TYMS: variants seen among roughly 807,000 people sequenced by gnomAD.
The protein encoded by TYMS is thymidylate synthase.
TYMS carries 21 observed loss-of-function variants against 39.3 expected under a neutral mutation model. That is an observed-to-expected ratio of 0.54 (90% CI 0.38 to 0.77). The LOEUF (loss-of-function observed/expected upper bound fraction) is 0.77, where lower values mean the gene tolerates loss of function less well. Ranked by LOEUF, TYMS falls within the 30% of genes least tolerant of loss-of-function variation. The probability of loss-of-function intolerance (pLI) is 0.00; values close to 1 mark genes in which losing one functional copy is unlikely to be tolerated. For missense variants in TYMS, 273 were observed against 406.7 expected (o/e 0.67, Z 2.83); for synonymous variants, 171 against 162.2 (o/e 1.05, Z -0.41).
At chr18:668,651 ACTCT>A (rs754573274) in intron 3 of TYMS, among the ~76,000 whole-genome samples, 2 of 152,150 alleles carry the variant, frequency 1.3e-5, no homozygotes, top group South Asian at 4.1e-4. Flanking sequence ...AAGATACAAC[ACTCT>A]CTGTGAGACA....
intron 3 of TYMS, among the ~76,000 whole-genome samples, chr18:666,939 A>T (rs62090122): frequency 0.43 from 11,488 of 26,978 alleles, 1,858 homozygotes; most frequent in Non-Finnish European, 0.44. Flanking sequence ...ATGGTGATGG[A>T]GATGGTGATG....
At position 666,897 on chromosome 18, in the gene TYMS, T is replaced by C. The variant is rs752471287; in HGVS notation, c.455-2175T>C. On this transcript the variant is annotated intron_variant, in intron 3 of 6. Coordinates refer to ENST00000323274, the MANE Select transcript of TYMS (RefSeq NM_001071.4). The stretch of plus-strand genomic sequence containing the variant: ...GATGACGAAAAAGTTCGGGAGATGG[T>C]GATGGAGATGGTGATGGTGATGGAG... Among the ~76,000 whole-genome samples, 6 of 48,208 alleles carry C rather than the reference T, an allele frequency of 1.2e-4. 1 individual carries two copies. Among genetic ancestry groups the C allele is most frequent in the African/African-American group, 3.9e-4 (4 of 10,182 alleles). The allele number at this position is 48,208 out of a possible 152,430, so 31.6% of individuals were successfully genotyped here.
intron 2 of TYMS, among the ~76,000 whole-genome samples, chr18:661,648 T>C (rs1383750024): frequency 6.6e-6 from 1 of 152,210 alleles, no homozygotes; most frequent in African/African-American, 2.4e-5. Flanking sequence ...GATCAGACTG[T>C]CCTAAAGCCC....
At chr18:664,368 A>G (rs184086822) in intron 3 of TYMS, among the ~76,000 whole-genome samples, 76,152 of 142,100 alleles carry the variant, frequency 0.54, 22,075 homozygotes, top group African/African-American at 0.77. Context: ...GATTGATTTT[A>G]TATCCTGAGA....
Position 671,363 on chromosome 18 carries a change from C to T in TYMS, c.733-17C>T, listed in dbSNP as rs770525244. ...TGAAACTAACATACTGTTCTGCTTT[C>T]TCCCCCGGGTTTATAGCCAGGTGAC... On this transcript the variant is annotated splice_polypyrimidine_tract_variant and intron_variant, in intron 5 of 6. Transcript: ENST00000323274. 3 of 1,562,984 alleles carry T rather than the reference C, an allele frequency of 1.9e-6. No homozygotes were observed. Among genetic ancestry groups the T allele is most frequent in the East Asian group, 2.2e-5 (1 of 44,648 alleles).
intron 3 of TYMS, among the ~76,000 whole-genome samples, chr18:662,847 T>G (rs972323264): frequency 6.7e-6 from 1 of 149,748 alleles, no homozygotes; most frequent in Admixed American, 6.6e-5. Context: ...CATGAACTCA[T>G]CATTTTTTAT....
chr18:662,504 C>CTTTT (rs11411741), intron 3 of TYMS, among the ~76,000 whole-genome samples, 184 bp downstream of exon 3: 11 of 134,674 alleles, frequency 8.2e-5, no homozygotes, highest in African/African-American at 2.8e-4. Context: ...GTTTCACACT[C>CTTTT]TTTTTTTTTT....
chr18:662,111 C>T lies in TYMS; in HGVS notation c.280-35C>T, dbSNP rs368046316. ...TCAACTGAGATGGCTTAGGATTTAC[C>T]TGGATGCCTGCTCTGCTCTCCCCAT... On this transcript the variant is annotated intron_variant, in intron 2 of 6. Transcript: ENST00000323274. 3.2e-6 allele frequency: 5 copies of T among 1,567,456 alleles called. No individual in the cohort carries two copies. The African/African-American group carries it at 5.5e-5, about 17-fold the overall frequency.
intron 2 of TYMS, among the ~76,000 whole-genome samples, chr18:659,999 C>T (rs999356790): frequency 2.6e-5 from 4 of 152,112 alleles, no homozygotes; most frequent in East Asian, 1.9e-4. Context: ...GCTCACGAGG[C>T]GGAGGTTGTA....
chr18:658,079 T>G lies in TYMS; in HGVS notation c.205+132T>G. 2 of 1,576,076 alleles carry G rather than the reference T, an allele frequency of 1.3e-6. No individual in the cohort carries two copies. The highest frequency in any genetic ancestry group is 4.7e-5 in the East Asian group (2 of 42,654). ...TCAATCCTGCGAGGGAGGGGACGCA[T>G]CGTCCTCCTCGCCTTACAGACGCCG... On this transcript the variant is annotated intron_variant, in intron 1 of 6. Transcript: ENST00000323274. The surrounding 1 kb of genome is among the most constrained non-coding windows in gnomAD (Gnocchi z 4.5).
rs1180889056 is a variant in TYMS at position 663,508 on chromosome 18, C to T, written c.454+1188C>T. On this transcript the variant is annotated intron_variant, in intron 3 of 6. Coordinates refer to ENST00000323274, the MANE Select transcript of TYMS (RefSeq NM_001071.4). ...GGTAGTTTCTTTTGCTGTGCAGAAG[C>T]TCTTTAGTTTAATTAGATCCCATTT... 5.3e-5 allele frequency among the ~76,000 whole-genome samples: 5 copies of T among 94,214 alleles called. 1 individual carries two copies. Among genetic ancestry groups the T allele is most frequent in the Non-Finnish European group, 9.8e-5 (5 of 51,146 alleles). 61.8% of individuals were successfully genotyped at this position (94,214 alleles called of 152,430 possible). A position where few individuals can be genotyped will look rare whatever the true frequency, so the allele number is the denominator to read the frequency against.
chr18:657,899 A>G lies in TYMS; in HGVS notation c.157A>G (p.Thr53Ala), dbSNP rs1373657786. The G allele has an allele frequency of 9.3e-6, 14 of 1,513,426 alleles. No individual in the cohort carries two copies. Among genetic ancestry groups the G allele is most frequent in the Non-Finnish European group, 1.2e-5 (14 of 1,136,690 alleles). The allele number at this position is 1,513,426 out of a possible 1,614,324, so 93.7% of individuals were successfully genotyped here. The part of the protein sequence containing the change: ...CGVRKDDRTG[T>A]GTLSVFGMQA... ...CGTCAGGAAGGACGACCGCACGGGC[A>G]CCGGCACCCTGTCGGTATTCGGCAT... Residue 53 changes from threonine to alanine, a missense_variant, in exon 1 of 7, where the codon ACC (threonine) becomes GCC (alanine). Coordinates refer to ENST00000323274, the MANE Select transcript of TYMS (RefSeq NM_001071.4).
chr18:662,741 A>C, intron 3 of TYMS, among the ~76,000 whole-genome samples: 1 of 147,938 alleles, frequency 6.8e-6, no homozygotes, highest in African/African-American at 2.5e-5. Flanking sequence ...TTCAATTCCC[A>C]CCTATGAGTG....
rs778130604 is a variant in TYMS at position 658,119 on chromosome 18, A to G, written c.205+172A>G. 2.5e-6 allele frequency: 4 copies of G among 1,587,420 alleles called. No individual in the cohort carries two copies. Among genetic ancestry groups the G allele is most frequent in the Non-Finnish European group, 2.6e-6 (3 of 1,170,434 alleles). ...TACAGACGCCGAAACGGAGGGTCCCATTAGGGACGTGACTGGCGCGGGCAA... is the reference window on the plus strand; with the variant it reads ...TACAGACGCCGAAACGGAGGGTCCCGTTAGGGACGTGACTGGCGCGGGCAA... On this transcript the variant is annotated intron_variant, in intron 1 of 6. Coordinates refer to ENST00000323274, the MANE Select transcript of TYMS (RefSeq NM_001071.4). This position sits in a 1 kb window ranked among gnomAD's most constrained non-coding sequence, Gnocchi z 4.5.
chr18:669,366 A>AC, intron 4 of TYMS, 193 bp downstream of exon 4: 1 of 190,608 alleles, frequency 5.2e-6, no homozygotes, highest in Non-Finnish European at 9.7e-6. Context: ...GGCCCAGAGG[A>AC]TTTTTTTTTT....
intron 4 of TYMS, among the ~76,000 whole-genome samples, chr18:670,171 G>A (rs2144350183): frequency 6.6e-6 from 1 of 151,650 alleles, no homozygotes; most frequent in Middle Eastern, 3.4e-3. Context: ...CAGCCCCAGA[G>A]CTGGGACCAC....
In TYMS at chr18:662,221, G is replaced by C; in HGVS notation, c.355G>C (p.Asp119His). 6.2e-7 allele frequency: 1 copy of C among 1,614,026 alleles called. No individual in the cohort carries two copies. The highest frequency in any genetic ancestry group is 8.5e-7 in the Non-Finnish European group (1 of 1,179,986). Reference sequence around the variant, plus strand: ...TGCCAATGGATCCCGAGACTTTTTGGACAGCCTGGGATTCTCCACCAGAGA... The same window carrying C: ...TGCCAATGGATCCCGAGACTTTTTGCACAGCCTGGGATTCTCCACCAGAGA... ...WDANGSRDFL[D>H]SLGFSTREEG... Residue 119 changes from aspartate to histidine, a missense_variant, in exon 3 of 7, where the codon GAC (aspartate) becomes CAC (histidine). Around this residue, in one of 3 missense-constraint regions of TYMS, gnomAD observed 228 missense variants for 326.1 expected, o/e 0.70. Transcript: ENST00000323274.
rs1445044244 is a variant in TYMS, at chr18:660,328, C to G, written c.279+614C>G. ...CTCTACTCCACTCGGGCAAGCCTTC[C>G]TAGACCTCCTGATTTAAAACTGTGA... On this transcript the variant is annotated intron_variant, in intron 2 of 6. Transcript: ENST00000323274. The surrounding 1 kb of genome is among the most constrained non-coding windows in gnomAD (Gnocchi z 4.6). Among the ~76,000 whole-genome samples, 3 of 152,162 alleles carry G rather than the reference C, an allele frequency of 2.0e-5. No individual in the cohort carries two copies. The highest frequency in any genetic ancestry group is 7.2e-5 in the African/African-American group (3 of 41,432).
At chr18:661,997 G>C (rs2074760830) in intron 2 of TYMS, 149 bp from the exon 3 acceptor site, 1 of 766,638 alleles carries the variant, frequency 1.3e-6, no homozygotes, top group Non-Finnish European at 2.0e-6. Context: ...ACAAAAAAAA[G>C]GATGGGTTCC....
Sources: allele counts gnomAD v4.1 joint callset (sites outside exome capture counted in the v4.1 genomes callset), GRCh38; gene constraint gnomAD v4.1.1; regional missense constraint gnomAD v4.1.1; non-coding constraint Gnocchi (gnomAD v3.1); transcripts MANE v1.5; gene names NCBI Gene and HGNC (gene_info 2026-07-23, HGNC 2026-07-21).